Variants in EXT1 observed in about 807,000 individuals in gnomAD.
The protein encoded by EXT1 is exostosin-1.
Under a neutral mutation model 82.5 loss-of-function variants are expected in EXT1, and 20 were observed. The ratio of observed to expected loss-of-function variants is 0.24; its 90% CI spans 0.17 to 0.35. The LOEUF is 0.35. EXT1 is among the 10% of genes least tolerant of loss of function. EXT1 has a pLI of 1.00. For missense variants in EXT1, 757 were observed against 936.5 expected, an observed-to-expected ratio of 0.81 and a Z score of 2.50; for synonymous variants, 348 against 350.8, an observed-to-expected ratio of 0.99 and a Z score of 0.09.
intron 1 of EXT1, among the ~76,000 whole-genome samples, chr8:117,906,578 C>A (rs73704831): frequency 0.05 from 7,597 of 152,162 alleles, 635 homozygotes; most frequent in African/African-American, 0.17. Flanking sequence ...AAATGTATCC[C>A]AAATCTGTCT....
intron 1 of EXT1, among the ~76,000 whole-genome samples, chr8:117,951,579 A>G (rs1003472004): frequency 6.6e-5 from 10 of 152,216 alleles, no homozygotes; most frequent in African/African-American, 2.4e-4. Flanking sequence ...GACAAATAAC[A>G]AGAACCAAAG....
At chr8:117,909,913 G>A (rs1264448346) in intron 1 of EXT1, among the ~76,000 whole-genome samples, 1 of 152,086 alleles carries the variant, frequency 6.6e-6, no homozygotes, top group African/African-American at 2.4e-5. Flanking sequence ...GATTACTGTT[G>A]TGCACTGCCA....
intron 1 of EXT1, among the ~76,000 whole-genome samples, chr8:117,940,481 C>T (rs761667493): frequency 5.3e-5 from 8 of 152,210 alleles, no homozygotes; most frequent in Admixed American, 6.5e-5. Context: ...GATGTTACAG[C>T]TCATTTCAAT....
intron 1 of EXT1, among the ~76,000 whole-genome samples, chr8:118,101,166 T>C (rs1817712923): frequency 6.6e-6 from 1 of 152,198 alleles, no homozygotes; most frequent in African/African-American, 2.4e-5. Context: ...TTTGACCTTC[T>C]TAACGACCCT....
At chr8:118,010,240 C>T (rs1341797804) in intron 1 of EXT1, among the ~76,000 whole-genome samples, 8 of 151,808 alleles carry the variant, frequency 5.3e-5, no homozygotes, top group East Asian at 3.9e-4. Context: ...GGCGTGGTGG[C>T]GGGCACCTGT....
At chr8:118,098,701 G>A (rs1817663698) in intron 1 of EXT1, among the ~76,000 whole-genome samples, 1 of 150,720 alleles carries the variant, frequency 6.6e-6, no homozygotes, top group Non-Finnish European at 1.5e-5. Context: ...GGAGCGTGCA[G>A]TGAGCCGAGT....
At chr8:117,872,874 A>G (rs560902331) in intron 1 of EXT1, among the ~76,000 whole-genome samples, 1 of 152,142 alleles carries the variant, frequency 6.6e-6, no homozygotes, top group African/African-American at 2.4e-5. Context: ...GGGTTGAGGA[A>G]GCCAAGATGG....
chr8:118,090,638 G>A (rs6983072), intron 1 of EXT1, among the ~76,000 whole-genome samples: 2,186 of 151,744 alleles, frequency 0.014, 23 homozygotes, highest in Middle Eastern at 0.031. Context: ...AATTAACTGC[G>A]CATGGTGGCG....
intron 1 of EXT1, among the ~76,000 whole-genome samples, chr8:117,868,561 C>G (rs1422559276): frequency 1.3e-5 from 2 of 152,154 alleles, no homozygotes; most frequent in Non-Finnish European, 2.9e-5. Context: ...AAGAAATCCT[C>G]CCACCTCAGC....
At chr8:118,032,946 A>C (rs774290226) in intron 1 of EXT1, among the ~76,000 whole-genome samples, 7 of 152,216 alleles carry the variant, frequency 4.6e-5, no homozygotes, top group Non-Finnish European at 8.8e-5. Flanking sequence ...CTCTTATGAA[A>C]TGTACCACTT....
chr8:117,955,227 T>G (rs1161036689), intron 1 of EXT1, among the ~76,000 whole-genome samples: 2 of 152,208 alleles, frequency 1.3e-5, no homozygotes, highest in Admixed American at 1.3e-4. Flanking sequence ...GTTATCAACC[T>G]GGAGGCTCTC....
rs532549660 is a variant in EXT1 at position 118,001,801 on chromosome 8, C to G, written c.962+108284G>C. 1.6e-3 allele frequency among the ~76,000 whole-genome samples: 244 copies of G among 152,148 alleles called. 1 individual carries two copies. Among genetic ancestry groups the G allele is most frequent in the African/African-American group, 5.7e-3 (236 of 41,502 alleles). On this transcript the variant is annotated intron_variant, in intron 1 of 10. Coordinates refer to ENST00000378204, the MANE Select transcript of EXT1 (RefSeq NM_000127.3). The stretch of plus-strand genomic sequence containing the variant: ...AACTTGGAATTAATGAGGGTTACAA[C>G]TACGTAAGAAAGCTAACAAAGCTAT...
Position 118,047,159 on chromosome 8 carries a change from A to G in EXT1, c.962+62926T>C, listed in dbSNP as rs77276895. 4.8e-3 allele frequency among the ~76,000 whole-genome samples: 730 copies of G among 152,098 alleles called. 5 individuals carry two copies. The highest frequency in any genetic ancestry group is 0.016 in the African/African-American group (673 of 41,486). ...GCCATGCCCAAGCCAACTAAATCCAACTCCAGGGGAGGGTCCAGGCAAGTG... is the reference window on the plus strand; with the variant it reads ...GCCATGCCCAAGCCAACTAAATCCAGCTCCAGGGGAGGGTCCAGGCAAGTG... On this transcript the variant is annotated intron_variant, in intron 1 of 10. Coordinates refer to ENST00000378204, the MANE Select transcript of EXT1 (RefSeq NM_000127.3).
intron 1 of EXT1, among the ~76,000 whole-genome samples, chr8:118,109,084 A>T (rs1817845239): frequency 6.6e-6 from 1 of 152,204 alleles, no homozygotes; most frequent in South Asian, 2.1e-4. Flanking sequence ...CAAGCTCAGG[A>T]TAAAGCAGAT....
intron 1 of EXT1, among the ~76,000 whole-genome samples, chr8:117,840,749 A>G (rs1812262885): frequency 6.6e-6 from 1 of 152,250 alleles, no homozygotes; most frequent in Non-Finnish European, 1.5e-5. Flanking sequence ...AAAGAGGCTA[A>G]GGATTTGAAT....
In EXT1 at chr8:117,822,471, T is replaced by C; in HGVS notation, c.1411A>G (p.Asn471Asp). Reference sequence around the variant, plus strand: ...CTGGAGGAAATTCACTTACCTAAATTAGCATAGTAGTAAGGAAAATCTCCC... The same window carrying C: ...CTGGAGGAAATTCACTTACCTAAATCAGCATAGTAGTAAGGAAAATCTCCC... ...YLGDFPYYYA[N>D]LGLKPPSKFT... is the part of the protein sequence containing the mutation. Residue 471 changes from asparagine (N) to aspartate (D), a missense_variant, in exon 5 of 11, where the codon AAT becomes GAT. By Grantham distance (23) the Asn-to-Asp change is conservative (BLOSUM62 1). Coordinates refer to ENST00000378204, the MANE Select transcript of EXT1 (RefSeq NM_000127.3). The C allele has an allele frequency of 6.2e-7, 1 of 1,613,122 alleles. No homozygotes were observed. Among genetic ancestry groups the C allele is most frequent in the East Asian group, 2.2e-5 (1 of 44,850 alleles).
intron 9 of EXT1, among the ~76,000 whole-genome samples, chr8:117,806,346 T>C (rs1396448681): frequency 2.0e-5 from 3 of 152,186 alleles, no homozygotes; most frequent in African/African-American, 7.2e-5. Context: ...ATGATGGACA[T>C]CAAGGTCCTG....
chr8:117,980,235 G>A (rs76173658), intron 1 of EXT1, among the ~76,000 whole-genome samples: 3,006 of 152,268 alleles, frequency 0.02, 40 homozygotes, highest in African/African-American at 0.031. Context: ...CAAAGGATAA[G>A]AGAGGAAAGA....
At chr8:117,849,425 C>G (rs1208592730) in intron 1 of EXT1, among the ~76,000 whole-genome samples, 1 of 152,202 alleles carries the variant, frequency 6.6e-6, no homozygotes, top group Non-Finnish European at 1.5e-5. Flanking sequence ...GAACCTATGT[C>G]AGATTATTCA....
Sources: gnomAD v4.1 joint callset for allele counts (sites outside exome capture counted in the v4.1 genomes callset) on GRCh38, gnomAD v4.1.1 for gene constraint, MANE v1.5 for transcripts, NCBI Gene and HGNC (gene_info 2026-07-23, HGNC 2026-07-21) for gene names.